The following LRSAM1 variants were observed in gnomAD, a reference collection of about 807,000 sequenced individuals.
The protein encoded by LRSAM1 is E3 ubiquitin-protein ligase LRSAM1.
LRSAM1 carries 96 observed loss-of-function variants against 118.1 expected under a neutral mutation model. The ratio of observed to expected loss-of-function variants is 0.81; its 90% CI spans 0.69 to 0.96. LRSAM1 has a LOEUF of 0.96. LRSAM1 is among the 40% of genes least tolerant of loss of function. LRSAM1 has a pLI of 0.00. For missense variants in LRSAM1, 804 were observed against 915.5 expected (o/e 0.88, Z 1.57); for synonymous variants, 322 against 364.2 (o/e 0.88, Z 1.32).
chr9:127,485,616 T>C, intron 16 of LRSAM1, 120 bp from the exon 17 acceptor site: 1 of 877,402 alleles, frequency 1.1e-6, no homozygotes, highest in Non-Finnish European at 1.9e-6. Context: ...ATCAGGTAGG[T>C]AACCAGGTGA....
At chr9:127,490,815 A>G (rs924092504) in intron 19 of LRSAM1, among the ~76,000 whole-genome samples, 1 of 152,116 alleles carries the variant, frequency 6.6e-6, no homozygotes, top group African/African-American at 2.4e-5. Flanking sequence ...CTCCCCTGCA[A>G]CAGCGATGCG....
chr9:127,491,750 G>T (rs941190307), intron 20 of LRSAM1, among the ~76,000 whole-genome samples: 4 of 152,230 alleles, frequency 2.6e-5, no homozygotes, highest in African/African-American at 9.7e-5. Context: ...CATCTCTGGG[G>T]CTCCAGCCCG....
chr9:127,474,143 T>C (rs577631721), intron 11 of LRSAM1, among the ~76,000 whole-genome samples: 11 of 152,292 alleles, frequency 7.2e-5, no homozygotes, highest in African/African-American at 2.6e-4. Context: ...AAGCACAAGC[T>C]GTGCCCTGCT....
chr9:127,461,730 C>T (rs181651395), intron 8 of LRSAM1, among the ~76,000 whole-genome samples: 19 of 152,348 alleles, frequency 1.2e-4, no homozygotes, highest in Admixed American at 5.9e-4. Context: ...CTCAAGACCA[C>T]CCCGTGGGAT....
At chr9:127,467,683 G>T in intron 9 of LRSAM1, 57 bp from the exon 10 acceptor site, 1 of 1,481,568 alleles carries the variant, frequency 6.7e-7, no homozygotes, top group East Asian at 2.3e-5. Context: ...AGGAAATCGT[G>T]TGGTCTCCGG....
intron 5 of LRSAM1, among the ~76,000 whole-genome samples, chr9:127,456,234 GTTT>G (rs757438041): frequency 7.6e-6 from 1 of 132,286 alleles, no homozygotes. Flanking sequence ...AGTTTTGTTT[GTTT>G]TTTTTTTTTT....
chr9:127,471,244 C>T (rs760951204), intron 10 of LRSAM1, among the ~76,000 whole-genome samples: 1 of 151,810 alleles, frequency 6.6e-6, no homozygotes. Context: ...TTTGGGAGGC[C>T]AAGGCGGGTG....
chr9:127,474,249 A>C (rs556201183), intron 11 of LRSAM1, among the ~76,000 whole-genome samples: 42 of 146,514 alleles, frequency 2.9e-4, no homozygotes, highest in Admixed American at 7.5e-4. Flanking sequence ...CACTTGTCTT[A>C]TCCTTCAGTT....
intron 7 of LRSAM1, 129 bp downstream of exon 7, chr9:127,459,200 C>T: frequency 1.2e-6 from 1 of 848,526 alleles, no homozygotes; most frequent in South Asian, 1.5e-5. Context: ...GCTCCACCCT[C>T]CCCTTGGCCC....
chr9:127,471,650 G>A (rs1835173088), intron 10 of LRSAM1, among the ~76,000 whole-genome samples: 1 of 150,956 alleles, frequency 6.6e-6, no homozygotes, highest in Non-Finnish European at 1.5e-5. Context: ...AGCCAGGCGT[G>A]GTGATGCATG....
At chr9:127,475,991 C>T (rs376895221) in intron 11 of LRSAM1, among the ~76,000 whole-genome samples, 5 of 152,162 alleles carry the variant, frequency 3.3e-5, no homozygotes, top group Admixed American at 2.6e-4. Context: ...CTGCCCACCT[C>T]GGCCTCCCAA....
In LRSAM1 at chr9:127,496,081, G is replaced by C; in HGVS notation, c.1816G>C (p.Gly606Arg). ...GGACCTGCTGAGCCAAATGAGCCCA[G>C]GGGACCTGGCCAAGGTGGGCAGCAG... Reference protein sequence around the residue: ...SLDLLSQMSPGDLAKVGVSEA... With the variant: ...SLDLLSQMSPRDLAKVGVSEA... The change falls in exon 23 of 26, where the codon GGG becomes CGG. Residue 606 changes from glycine to arginine, a missense_variant. Transcript: ENST00000300417. The C allele has an allele frequency of 6.2e-7, 1 of 1,610,500 alleles. No homozygotes were observed. The highest frequency in any genetic ancestry group is 8.5e-7 in the Non-Finnish European group (1 of 1,180,010).
Position 127,454,516 on chromosome 9 carries a change from G to A in LRSAM1, c.-12G>A. 1 of 1,614,150 alleles carries A rather than the reference G, an allele frequency of 6.2e-7. No homozygotes were observed. Among genetic ancestry groups the A allele is most frequent in the South Asian group, 1.1e-5 (1 of 91,072 alleles). On this transcript the variant is annotated 5_prime_UTR_variant, in exon 3 of 26. Coordinates refer to ENST00000300417, the MANE Select transcript of LRSAM1 (RefSeq NM_001005373.4). ...CCCAGGGTCCTAAAGATCGCTCTGGGAAAAGGGAAGGATGCCGCTCTTCTT... is the reference window on the plus strand; with the variant it reads ...CCCAGGGTCCTAAAGATCGCTCTGGAAAAAGGGAAGGATGCCGCTCTTCTT...
rs1834340914 is a variant in LRSAM1, at chr9:127,451,990, C to A, written c.-127C>A. ...CCGGCCCGTGCCGGGTGGTCTGCGG[C>A]CCCGAGTCCGTGACCAAGCCCTCCG... On this transcript the variant is annotated 5_prime_UTR_variant, in exon 2 of 26. Transcript: ENST00000300417. 1 of 152,298 alleles carries A rather than the reference C, an allele frequency of 6.6e-6. No individual in the cohort carries two copies. The highest frequency in any genetic ancestry group is 1.5e-5 in the Non-Finnish European group (1 of 68,094). The allele number at this position is 152,298 out of a possible 1,614,324, so 9.4% of individuals were successfully genotyped here. A position where few individuals can be genotyped will look rare whatever the true frequency, so the allele number is the denominator to read the frequency against.
chr9:127,493,847 C>A (rs1175095768), intron 21 of LRSAM1, among the ~76,000 whole-genome samples: 1 of 152,202 alleles, frequency 6.6e-6, no homozygotes, highest in African/African-American at 2.4e-5. Context: ...GTGGAAAAGA[C>A]CGAGTCGTTC....
intron 9 of LRSAM1, 87 bp downstream of exon 9, chr9:127,462,460 T>G: frequency 6.3e-7 from 1 of 1,599,322 alleles, no homozygotes. Flanking sequence ...TGCTCTGATC[T>G]CACGGTACCA....
intron 20 of LRSAM1, 42 bp downstream of exon 20, chr9:127,491,337 G>T (rs1835925248): frequency 2.0e-6 from 3 of 1,521,372 alleles, no homozygotes; most frequent in Non-Finnish European, 1.8e-6. Flanking sequence ...CACGTGGTGA[G>T]ACCCCCACCT....
chr9:127,462,924 C>T (rs920934636), intron 9 of LRSAM1, among the ~76,000 whole-genome samples: 5 of 151,902 alleles, frequency 3.3e-5, no homozygotes, highest in Admixed American at 6.6e-5. Context: ...GGCTGGGCAC[C>T]GTGGCTCACT....
intron 23 of LRSAM1, 59 bp downstream of exon 23, chr9:127,496,154 C>A: frequency 6.3e-7 from 1 of 1,595,280 alleles, no homozygotes; most frequent in Non-Finnish European, 8.5e-7. Flanking sequence ...TCCTGACCAG[C>A]CGGGGGTTGA....
Sources: allele counts gnomAD v4.1 joint callset (sites outside exome capture counted in the v4.1 genomes callset), GRCh38; gene constraint gnomAD v4.1.1; transcripts MANE v1.5; gene names NCBI Gene and HGNC (gene_info 2026-07-23, HGNC 2026-07-21).